Variants in CREB5 observed in about 807,000 individuals in gnomAD.
The protein encoded by CREB5 is cAMP responsive element binding protein 5, also known as cyclic AMP-responsive element-binding protein 5.
In CREB5, 19 loss-of-function variants were observed where a neutral mutation model predicts 57.1. That is an observed-to-expected ratio of 0.33 (90% CI 0.23 to 0.49). The LOEUF is 0.49. Ranked by LOEUF, CREB5 falls within the 20% of genes least tolerant of loss-of-function variation. The pLI, the probability that CREB5 is intolerant of heterozygous loss-of-function variation, is 0.99. For synonymous variants in CREB5, 238 were observed against 238.3 expected (o/e 1.00, Z 0.01); for missense variants, 579 against 671.6 (o/e 0.86, Z 1.52).
intron 5 of CREB5, among the ~76,000 whole-genome samples, chr7:28,579,177 G>C (rs553129785): frequency 6.6e-6 from 1 of 152,120 alleles, no homozygotes; most frequent in Non-Finnish European, 1.5e-5. Flanking sequence ...ATGCTTTCTC[G>C]TAGCTCAAAT....
intron 1 of CREB5, among the ~76,000 whole-genome samples, chr7:28,486,467 C>G (rs1214364576): frequency 6.6e-6 from 1 of 151,306 alleles, no homozygotes; most frequent in African/African-American, 2.4e-5. Flanking sequence ...GAATCACCTA[C>G]AAGTGGCATT....
At chr7:28,714,946 G>C (rs1303451607) in intron 5 of CREB5, among the ~76,000 whole-genome samples, 1 of 152,206 alleles carries the variant, frequency 6.6e-6, no homozygotes, top group South Asian at 2.1e-4. Context: ...ATGGCAACAA[G>C]CCTGCACTGG....
In CREB5 at chr7:28,394,571, G is replaced by C. The variant is rs1381000765; in HGVS notation, c.-25+95130G>C. 1.3e-5 allele frequency among the ~76,000 whole-genome samples: 2 copies of C among 152,108 alleles called. 1 individual carries two copies. Among genetic ancestry groups the C allele is most frequent in the Non-Finnish European group, 2.9e-5 (2 of 68,012 alleles). ...AATTTCAGATAAGTTAGTCCTTAAG[G>C]CTAGTAACAGTTAAGCAGAGGGCTA... is the stretch of plus-strand genomic sequence containing the variant. On this transcript the variant is annotated intron_variant, in intron 1 of 9. Coordinates refer to the CREB5 transcript ENST00000396299.
chr7:28,486,584 A>G (rs1791553456), intron 1 of CREB5, among the ~76,000 whole-genome samples: 1 of 149,636 alleles, frequency 6.7e-6, no homozygotes, highest in African/African-American at 2.5e-5. Context: ...ACTCTAAGAA[A>G]GGTACAAAAA....
chr7:28,724,071 A>G (rs1803194378), intron 6 of CREB5, 151 bp from the exon 7 acceptor site: 1 of 610,632 alleles, frequency 1.6e-6, no homozygotes, highest in South Asian at 2.4e-5. Flanking sequence ...AAGGCTCAGG[A>G]GGGCATTGCT....
chr7:28,602,323 C>G (rs1017990790), intron 5 of CREB5, among the ~76,000 whole-genome samples: 1 of 152,054 alleles, frequency 6.6e-6, no homozygotes, highest in Non-Finnish European at 1.5e-5. Context: ...GCCAGGGTTT[C>G]GCCATGTTGG....
chr7:28,518,636 A>G (rs58483072), intron 4 of CREB5, among the ~76,000 whole-genome samples: 27,751 of 152,036 alleles, frequency 0.18, 4,480 homozygotes, highest in African/African-American at 0.44. Flanking sequence ...CACCCTTGTA[A>G]CCCCACTTGG....
At chr7:28,703,732 A>G (rs1344333276) in intron 5 of CREB5, among the ~76,000 whole-genome samples, 1 of 152,184 alleles carries the variant, frequency 6.6e-6, no homozygotes, top group Non-Finnish European at 1.5e-5. Context: ...TCAGGTCCTC[A>G]ATGGATTAGA....
chr7:28,793,083 C>T (rs536626181), intron 7 of CREB5, among the ~76,000 whole-genome samples: 7 of 152,116 alleles, frequency 4.6e-5, no homozygotes, highest in Non-Finnish European at 1.0e-4. Context: ...CAATCCCTCT[C>T]TCTCTCTCAC....
chr7:28,306,721 C>T (rs1007960949), intron 1 of CREB5, among the ~76,000 whole-genome samples: 84 of 151,992 alleles, frequency 5.5e-4, no homozygotes, highest in Non-Finnish European at 8.7e-4. Context: ...CCACTATGCC[C>T]GGCTAATTTT....
chr7:28,353,466 A>G (rs1786276032), intron 1 of CREB5, among the ~76,000 whole-genome samples: 1 of 152,198 alleles, frequency 6.6e-6, no homozygotes, highest in Non-Finnish European at 1.5e-5. Context: ...AGATGTGAAG[A>G]ACAAGGAAGA....
chr7:28,799,907 G>T (rs1808265608), intron 7 of CREB5, among the ~76,000 whole-genome samples: 1 of 152,198 alleles, frequency 6.6e-6, no homozygotes, highest in African/African-American at 2.4e-5. Context: ...ACCAGCTACA[G>T]TGATCCAAGA....
chr7:28,358,929 C>T (rs750631284), intron 1 of CREB5, among the ~76,000 whole-genome samples: 8 of 152,204 alleles, frequency 5.3e-5, no homozygotes, highest in Non-Finnish European at 7.3e-5. Context: ...GAGAACCCCT[C>T]AGGGCAGCCA....
intron 5 of CREB5, among the ~76,000 whole-genome samples, chr7:28,641,423 C>G (rs1029554386): frequency 1.3e-5 from 2 of 152,148 alleles, no homozygotes; most frequent in Non-Finnish European, 2.9e-5. Context: ...GACAAAGAAA[C>G]TTGGACCCCC....
At chr7:28,559,503 C>G (rs1012602087) in intron 4 of CREB5, among the ~76,000 whole-genome samples, 3 of 152,038 alleles carry the variant, frequency 2.0e-5, no homozygotes, top group African/African-American at 7.2e-5. Context: ...TTAGTAGAGA[C>G]GGGATTTCAC....
At chr7:28,406,852 T>A (rs1347678942) in intron 1 of CREB5, among the ~76,000 whole-genome samples, 2 of 152,050 alleles carry the variant, frequency 1.3e-5, no homozygotes, top group African/African-American at 4.8e-5. Context: ...AGATGACACA[T>A]GCAGAAGGCA....
upstream of CREB5, chr7:28,409,231 C>G (rs1787664956): frequency 2.0e-5 from 3 of 151,208 alleles, no homozygotes; most frequent in South Asian, 6.2e-4. This position sits in a 1 kb window ranked among gnomAD's most constrained non-coding sequence, Gnocchi z 4.4. Flanking sequence ...GGCCTGCCCC[C>G]TCGACGCGCC....
At chr7:28,801,326 A>G (rs1490494260) in intron 7 of CREB5, among the ~76,000 whole-genome samples, 4 of 152,206 alleles carry the variant, frequency 2.6e-5, no homozygotes, top group African/African-American at 9.7e-5. Flanking sequence ...TATAGTAATG[A>G]AATTACAAGG....
intron 1 of CREB5, among the ~76,000 whole-genome samples, chr7:28,456,994 A>G (rs1790121672): frequency 1.3e-5 from 2 of 152,230 alleles, no homozygotes; most frequent in South Asian, 4.1e-4. Context: ...TGGTGCTGTT[A>G]CATTTTGGGG....
Sources: gnomAD v4.1 joint callset for allele counts (sites outside exome capture counted in the v4.1 genomes callset) on GRCh38, gnomAD v4.1.1 for gene constraint, Gnocchi (gnomAD v3.1) non-coding constraint, MANE v1.5 for transcripts, NCBI Gene and HGNC (gene_info 2026-07-23, HGNC 2026-07-21) for gene names.